The following EFCAB6 variants were observed in gnomAD, a reference collection of about 807,000 sequenced individuals.
EFCAB6 encodes EF-hand calcium-binding domain-containing protein 6.
EFCAB6 carries 156 observed loss-of-function variants against 169.8 expected under a neutral mutation model. The ratio of observed to expected loss-of-function variants is 0.92; its 90% CI spans 0.81 to 1.05. The LOEUF (loss-of-function observed/expected upper bound fraction) is 1.05. Among genes scored for constraint, EFCAB6 ranks in the 50% least tolerant of loss-of-function variants. The probability of loss-of-function intolerance (pLI) is 0.00; values close to 1 mark genes in which losing one functional copy is unlikely to be tolerated. For missense variants in EFCAB6, 1,800 were observed against 1,829.1 expected, an observed-to-expected ratio of 0.98 and a Z score of 0.29; for synonymous variants, 698 against 676.4, an observed-to-expected ratio of 1.03 and a Z score of -0.50.
chr22:43,769,660 A>G (rs950489334), intron 4 of EFCAB6, among the ~76,000 whole-genome samples: 2 of 152,060 alleles, frequency 1.3e-5, no homozygotes, highest in Non-Finnish European at 2.9e-5. Context: ...TTTTCTAACA[A>G]TTCAGTCCTA....
At chr22:43,620,972 G>A (rs2054074955) in intron 20 of EFCAB6, among the ~76,000 whole-genome samples, 1 of 151,966 alleles carries the variant, frequency 6.6e-6, no homozygotes, top group African/African-American at 2.4e-5. Context: ...ACCATATCCA[G>A]GGTCATAAAA....
At chr22:43,574,739 C>T (rs182882937) in intron 26 of EFCAB6, among the ~76,000 whole-genome samples, 5 of 152,080 alleles carry the variant, frequency 3.3e-5, no homozygotes, top group African/African-American at 1.2e-4. Context: ...ATTTGCGACG[C>T]ACATGACAAC....
At chr22:43,671,859 GTTA>G in intron 15 of EFCAB6, 111 bp downstream of exon 15, 1 of 1,259,040 alleles carries the variant, frequency 7.9e-7, no homozygotes, top group Non-Finnish European at 1.1e-6. Flanking sequence ...GCAAATAGCA[GTTA>G]TTATCAATAC....
At chr22:43,778,032 T>C (rs1485192256) in intron 3 of EFCAB6, among the ~76,000 whole-genome samples, 2 of 152,144 alleles carry the variant, frequency 1.3e-5, no homozygotes, top group African/African-American at 2.4e-5. Flanking sequence ...AATATATATA[T>C]AGTTTTAAAA....
chr22:43,712,786 A>G (rs1036607445), intron 9 of EFCAB6, among the ~76,000 whole-genome samples: 28 of 146,494 alleles, frequency 1.9e-4, no homozygotes, highest in African/African-American at 6.5e-4. Context: ...ATGGTTTTCC[A>G]TACTTTTTTT....
chr22:43,640,931 T>C (rs1192988766), intron 17 of EFCAB6, among the ~76,000 whole-genome samples: 1 of 152,124 alleles, frequency 6.6e-6, no homozygotes, highest in Non-Finnish European at 1.5e-5. Context: ...GATACAGGTA[T>C]CAACAGCTCA....
intron 23 of EFCAB6, among the ~76,000 whole-genome samples, chr22:43,598,975 A>G (rs2052272075): frequency 6.6e-6 from 1 of 152,220 alleles, no homozygotes; most frequent in African/African-American, 2.4e-5. Flanking sequence ...GAAAGGAATC[A>G]TGTACGCTCC....
intron 6 of EFCAB6, among the ~76,000 whole-genome samples, chr22:43,747,077 TG>T (rs2060592696): frequency 6.6e-6 from 1 of 152,252 alleles, no homozygotes; most frequent in African/African-American, 2.4e-5. Context: ...TTTCCCAGGC[TG>T]GGCCAATGCT....
intron 26 of EFCAB6, among the ~76,000 whole-genome samples, chr22:43,564,434 CA>C (rs2049287309): frequency 7.2e-6 from 1 of 138,964 alleles, no homozygotes; most frequent in African/African-American, 2.7e-5. Flanking sequence ...GGTGACAGAG[CA>C]AAACTATGTC....
intron 20 of EFCAB6, among the ~76,000 whole-genome samples, chr22:43,622,746 AAG>A (rs201583183): frequency 1.9e-4 from 28 of 150,730 alleles, no homozygotes; most frequent in Middle Eastern, 6.9e-3. Flanking sequence ...TGTGCTAAAA[AAG>A]AGAGAGAGAG....
At chr22:43,602,085 G>A (rs2052564981) in intron 22 of EFCAB6, among the ~76,000 whole-genome samples, 1 of 152,250 alleles carries the variant, frequency 6.6e-6, no homozygotes, top group South Asian at 2.1e-4. Context: ...ACCTGGCAAG[G>A]CCCTTTCCTG....
intron 5 of EFCAB6, chr22:43,759,447 C>T (rs1356107413): frequency 6.6e-6 from 1 of 152,180 alleles, no homozygotes; most frequent in Non-Finnish European, 1.5e-5. Flanking sequence ...GAAGTAGCAT[C>T]GTACCAAGTG....
intron 17 of EFCAB6, among the ~76,000 whole-genome samples, chr22:43,653,145 T>C (rs1443506557): frequency 6.6e-6 from 1 of 152,040 alleles, no homozygotes; most frequent in Non-Finnish European, 1.5e-5. Flanking sequence ...AGAATGCGCA[T>C]AACAACAGGA....
intron 26 of EFCAB6, among the ~76,000 whole-genome samples, chr22:43,573,790 G>A (rs1569180359): frequency 6.7e-6 from 1 of 148,372 alleles, no homozygotes; most frequent in Non-Finnish European, 1.5e-5. Context: ...ATTAATACTA[G>A]TTGTCCCAAG....
intron 26 of EFCAB6, 140 bp downstream of exon 26, chr22:43,576,157 C>T: frequency 5.0e-6 from 3 of 599,242 alleles, no homozygotes; most frequent in South Asian, 2.9e-5. Context: ...ATAATTTATA[C>T]CAGTTTTTCA....
intron 8 of EFCAB6, among the ~76,000 whole-genome samples, chr22:43,722,921 G>A (rs1313716388): frequency 6.6e-6 from 1 of 152,142 alleles, no homozygotes; most frequent in Non-Finnish European, 1.5e-5. Flanking sequence ...CATGGAGCTG[G>A]AGGCCATAAT....
intron 2 of EFCAB6, among the ~76,000 whole-genome samples, chr22:43,808,516 T>G (rs1428498608): frequency 2.6e-5 from 4 of 152,338 alleles, no homozygotes; most frequent in East Asian, 1.9e-4. Flanking sequence ...TAAATGCCAC[T>G]GCTCCAAAGG....
At chr22:43,558,766 A>T (rs2048856007) in intron 26 of EFCAB6, among the ~76,000 whole-genome samples, 1 of 152,176 alleles carries the variant, frequency 6.6e-6, no homozygotes, top group African/African-American at 2.4e-5. Flanking sequence ...AAGCTATGTA[A>T]TTTTTTTAGA....
intron 3 of EFCAB6, among the ~76,000 whole-genome samples, chr22:43,775,818 G>A (rs2061621863): frequency 6.6e-6 from 1 of 152,200 alleles, no homozygotes; most frequent in Admixed American, 6.5e-5. Flanking sequence ...ACCCTGGCAG[G>A]CCACATATAG....
Sources: gnomAD v4.1 joint callset for allele counts (sites outside exome capture counted in the v4.1 genomes callset) on GRCh38, gnomAD v4.1.1 for gene constraint, MANE v1.5 for transcripts, NCBI Gene and HGNC (gene_info 2026-07-23, HGNC 2026-07-21) for gene names.